Variants in CHD1 observed in about 807,000 individuals in gnomAD.
The protein encoded by CHD1 is chromodomain helicase DNA binding protein 1.
In CHD1, 36 loss-of-function variants were observed where a neutral mutation model predicts 224.2. That is an observed-to-expected ratio of 0.16 (90% CI 0.12 to 0.21). The LOEUF (loss-of-function observed/expected upper bound fraction) is 0.21. CHD1 is among the 10% of genes least tolerant of loss of function. CHD1 has a pLI of 1.00. For synonymous variants in CHD1, 668 were observed against 658.3 expected (o/e 1.01, Z -0.23); for missense variants, 1,378 against 1,994.8 (o/e 0.69, Z 5.89).
rs1378551982 is a variant in CHD1 at position 98,854,215 on chromosome 5, A to T, written c.*2165T>A. On this transcript the variant is annotated 3_prime_UTR_variant, in exon 36 of 36. Transcript: ENST00000614616. ...AAATGAACATATTTTATCATTTGAT[A>T]AATGTACATACAGTTCTATATTTTT... 1.3e-5 allele frequency: 2 copies of T among 152,060 alleles called. No individual in the cohort carries two copies. Among genetic ancestry groups the T allele is most frequent in the Non-Finnish European group, 2.9e-5 (2 of 67,900 alleles). The allele number at this position is 152,060 out of a possible 1,614,324, so 9.4% of individuals were successfully genotyped here. A position where few individuals can be genotyped will look rare whatever the true frequency, so the allele number is the denominator to read the frequency against.
chr5:98,920,829 C>G (rs1253949403), intron 2 of CHD1, among the ~76,000 whole-genome samples: 1 of 150,022 alleles, frequency 6.7e-6, no homozygotes, highest in Non-Finnish European at 1.5e-5. Flanking sequence ...ATCTAGATTT[C>G]AAAAACATTC....
intron 2 of CHD1, among the ~76,000 whole-genome samples, chr5:98,906,431 G>T (rs528772370): frequency 3.4e-4 from 51 of 152,174 alleles, no homozygotes; most frequent in African/African-American, 1.2e-3. Flanking sequence ...GATATTAAAA[G>T]ATTTTTTTTC....
intron 15 of CHD1, among the ~76,000 whole-genome samples, chr5:98,892,098 T>C (rs1177774398): frequency 6.6e-6 from 1 of 152,230 alleles, no homozygotes; most frequent in Admixed American, 6.5e-5. Flanking sequence ...TCCTACTGTA[T>C]AGATCTTGAC....
chr5:98,908,405 CG>C (rs1752186007), intron 2 of CHD1, among the ~76,000 whole-genome samples: 1 of 152,120 alleles, frequency 6.6e-6, no homozygotes, highest in African/African-American at 2.4e-5. Flanking sequence ...TATGAGCAAA[CG>C]ATGTAATAAT....
At chr5:98,896,513 T>A in intron 11 of CHD1, 71 bp from the exon 12 acceptor site, 2 of 1,011,846 alleles carry the variant, frequency 2.0e-6, no homozygotes, top group Non-Finnish European at 3.0e-6. Flanking sequence ...TTACATCATG[T>A]GTATATGTTT....
chr5:98,883,365 AAAAG>A (rs1321210190), intron 18 of CHD1, 128 bp from the exon 19 acceptor site: 1 of 488,882 alleles, frequency 2.0e-6, no homozygotes, highest in East Asian at 3.3e-5. Context: ...CCAATCAACA[AAAAG>A]ACTCCAAAAT....
chr5:98,875,077 C>A lies in CHD1; in HGVS notation c.3435G>T (p.Leu1145=). 6.8e-7 allele frequency: 1 copy of A among 1,481,232 alleles called. No homozygotes were observed. The highest frequency in any genetic ancestry group is 9.4e-7 in the Non-Finnish European group (1 of 1,067,024). 91.8% of individuals were successfully genotyped at this position (1,481,232 alleles called of 1,614,324 possible). The change falls in exon 25 of 36, where the codon CTG becomes CTT. Residue 1145 remains leucine (L), a synonymous_variant. Transcript: ENST00000614616. ...IKSYKKFGGP[L]ERLDAIARDA... is the part of the protein sequence containing the mutation. ...AGAATAATAAACGTATTTACCTTTCCAGAGGACCACCAAATTTCTTATAGC... is the reference window on the plus strand; with the variant it reads ...AGAATAATAAACGTATTTACCTTTCAAGAGGACCACCAAATTTCTTATAGC...
chr5:98,885,469 TC>T, intron 18 of CHD1, 108 bp downstream of exon 18: 1 of 747,656 alleles, frequency 1.3e-6, no homozygotes, highest in Middle Eastern at 3.7e-4. Context: ...CTAACACCAC[TC>T]TTTTTTTATC....
intron 4 of CHD1, 59 bp downstream of exon 4, chr5:98,903,733 A>G: frequency 9.3e-7 from 1 of 1,076,514 alleles, no homozygotes; most frequent in Non-Finnish European, 1.4e-6. Flanking sequence ...CACAAATACT[A>G]GTTAACTGAT....
chr5:98,869,406 A>G, intron 30 of CHD1: 2 of 312,526 alleles, frequency 6.4e-6, no homozygotes, highest in South Asian at 8.8e-5. Context: ...ATAATGATAC[A>G]TGCAATGTTT....
At chr5:98,879,461 A>G in intron 23 of CHD1, 91 bp downstream of exon 23, 1 of 1,178,998 alleles carries the variant, frequency 8.5e-7, no homozygotes, top group Non-Finnish European at 1.2e-6. Flanking sequence ...AGAAAAGAAA[A>G]CTATGGACTG....
intron 2 of CHD1, among the ~76,000 whole-genome samples, chr5:98,922,993 A>C (rs1368336646): frequency 6.7e-6 from 1 of 149,792 alleles, no homozygotes; most frequent in East Asian, 1.9e-4. Context: ...TGGCTCAAAA[A>C]AAAGAAAAAA....
At chr5:98,880,998 G>T in intron 22 of CHD1, 78 bp downstream of exon 22, 1 of 847,544 alleles carries the variant, frequency 1.2e-6, no homozygotes, top group Non-Finnish European at 1.9e-6. Flanking sequence ...CTTAAAGAAA[G>T]ATTAACAAAC....
rs373125400 is a variant in CHD1 at position 98,893,407 on chromosome 5, T to G, written c.1991+9A>C. 7 of 1,567,128 alleles carry G rather than the reference T, an allele frequency of 4.5e-6. No individual in the cohort carries two copies. The highest frequency in any genetic ancestry group is 1.4e-5 in the African/African-American group (1 of 72,416). On this transcript the variant is annotated intron_variant, in intron 14 of 35. Transcript: ENST00000614616. ...ACACAATATGATTAAAATTGTAAAG[T>G]TGTCTTACTTTTCTGGCATAATGAA... is the stretch of plus-strand genomic sequence containing the variant.
chr5:98,861,176 T>G (rs1748441154), intron 32 of CHD1, among the ~76,000 whole-genome samples: 1 of 152,192 alleles, frequency 6.6e-6, no homozygotes, highest in African/African-American at 2.4e-5. Context: ...AGGTGTTTCC[T>G]TTGTCATTCT....
chr5:98,917,265 T>C (rs1304545326), intron 2 of CHD1, among the ~76,000 whole-genome samples: 1 of 132,200 alleles, frequency 7.6e-6, no homozygotes, highest in Non-Finnish European at 1.5e-5. Context: ...AAGATTATCA[T>C]GGTTTTAAGC....
chr5:98,876,697 GCAAA>G (rs1438452779), intron 23 of CHD1, 139 bp from the exon 24 acceptor site: 10 of 699,604 alleles, frequency 1.4e-5, no homozygotes, highest in South Asian at 4.1e-5. Flanking sequence ...AAATTAAAGA[GCAAA>G]CAGAGAAAAA....
chr5:98,912,347 T>C (rs1752477435), intron 2 of CHD1, among the ~76,000 whole-genome samples: 1 of 151,970 alleles, frequency 6.6e-6, no homozygotes, highest in African/African-American at 2.4e-5. Context: ...TTTAAAAAAA[T>C]CCGAAAAGAT....
At chr5:98,898,989 G>A (rs1337534547) in intron 8 of CHD1, among the ~76,000 whole-genome samples, 1 of 152,128 alleles carries the variant, frequency 6.6e-6, no homozygotes, top group African/African-American at 2.4e-5. Flanking sequence ...TGTTACCAAG[G>A]ATAGGTTTAG....
Sources: gnomAD v4.1 joint callset for allele counts (sites outside exome capture counted in the v4.1 genomes callset) on GRCh38, gnomAD v4.1.1 for gene constraint, MANE v1.5 for transcripts, NCBI Gene and HGNC (gene_info 2026-07-23, HGNC 2026-07-21) for gene names.